Variants in NAV3 observed in about 807,000 individuals in gnomAD.
The protein encoded by NAV3 is neuron navigator 3.
Under a neutral mutation model 244.7 loss-of-function variants are expected in NAV3, and 87 were observed. That is an observed-to-expected ratio of 0.36 (90% CI 0.30 to 0.42). The LOEUF is 0.42. NAV3 is among the 20% of genes least tolerant of loss of function. NAV3 has a pLI of 1.00. For synonymous variants in NAV3, 1,126 were observed against 1,042.2 expected, an observed-to-expected ratio of 1.08 and a Z score of -1.55; for missense variants, 2,663 against 2,893.3, an observed-to-expected ratio of 0.92 and a Z score of 1.83.
At chr12:77,811,845 A>C (rs1592704622) in intron 2 of NAV3, among the ~76,000 whole-genome samples, 1 of 152,226 alleles carries the variant, frequency 6.6e-6, no homozygotes, top group African/African-American at 2.4e-5. Flanking sequence ...AGCATTTTAA[A>C]GTGAACAATT....
chr12:78,118,137 G>A lies in NAV3; in HGVS notation c.2880G>A (p.Lys960=). Residue 960 remains lysine (K), a synonymous_variant, in exon 14 of 40, where the codon AAG becomes AAA. Transcript: ENST00000397909. ...ACAGCCATGGGGATGCTGGTGGCAAGTGGAAGACTGTGTCCTCTGGACTTC... is the reference window on the plus strand; with the variant it reads ...ACAGCCATGGGGATGCTGGTGGCAAATGGAAGACTGTGTCCTCTGGACTTC... ...DFDSHGDAGG[K]WKTVSSGLPE... is the part of the protein sequence containing the mutation. 1 of 1,614,070 alleles carries A rather than the reference G, an allele frequency of 6.2e-7. No homozygotes were observed. Among genetic ancestry groups the A allele is most frequent in the Non-Finnish European group, 8.5e-7 (1 of 1,180,006 alleles).
chr12:78,096,278 G>T (rs1226924695), intron 12 of NAV3, among the ~76,000 whole-genome samples: 3 of 152,150 alleles, frequency 2.0e-5, no homozygotes, highest in Non-Finnish European at 4.4e-5. Context: ...CAAACTGCTT[G>T]AGTAGGAGCT....
intron 2 of NAV3, among the ~76,000 whole-genome samples, chr12:77,603,812 A>G (rs1389522886): frequency 6.6e-6 from 1 of 152,006 alleles, no homozygotes; most frequent in Non-Finnish European, 1.5e-5. Flanking sequence ...ATATGCTTAT[A>G]GGCTGAGGGA....
intron 2 of NAV3, among the ~76,000 whole-genome samples, chr12:77,642,741 A>T (rs1565749715): frequency 1.3e-5 from 2 of 151,498 alleles, no homozygotes; most frequent in Non-Finnish European, 1.5e-5. Context: ...AAATTTGATC[A>T]TTTTTTTTCT....
chr12:77,974,518 A>C, intron 5 of NAV3, among the ~76,000 whole-genome samples: 1 of 151,668 alleles, frequency 6.6e-6, no homozygotes, highest in East Asian at 1.9e-4. Flanking sequence ...TGGTGGTCTC[A>C]AGCTCCTAGC....
At chr12:77,797,887 T>C (rs1265919886) in intron 2 of NAV3, among the ~76,000 whole-genome samples, 1 of 150,330 alleles carries the variant, frequency 6.7e-6, no homozygotes, top group African/African-American at 2.5e-5. Flanking sequence ...AGCTTTGTTT[T>C]ACCCGGTACA....
At chr12:78,209,977 G>T (rs1960732475) in intron 39 of NAV3, among the ~76,000 whole-genome samples, 1 of 152,156 alleles carries the variant, frequency 6.6e-6, no homozygotes, top group African/African-American at 2.4e-5. Context: ...GACAGTGCGT[G>T]TGTGCCTCTG....
intron 2 of NAV3, among the ~76,000 whole-genome samples, chr12:77,665,219 A>C (rs1873663624): frequency 6.6e-6 from 1 of 152,250 alleles, no homozygotes; most frequent in Admixed American, 6.5e-5. Flanking sequence ...TTGTGTTTAC[A>C]GTTTGACTGA....
At chr12:77,914,377 T>G (rs1261595572) in intron 1 of NAV3, among the ~76,000 whole-genome samples, 1 of 152,110 alleles carries the variant, frequency 6.6e-6, no homozygotes, top group African/African-American at 2.4e-5. Flanking sequence ...TGCTTGTGCT[T>G]CAGCTGTCCT....
intron 1 of NAV3, among the ~76,000 whole-genome samples, chr12:77,918,043 T>A (rs1387005724): frequency 6.6e-6 from 1 of 152,034 alleles, no homozygotes; most frequent in African/African-American, 2.4e-5. Context: ...TCAACAAATT[T>A]AAAAAAGTCC....
intron 2 of NAV3, among the ~76,000 whole-genome samples, chr12:77,594,316 G>GA (rs890742154): frequency 6.2e-4 from 90 of 146,042 alleles, no homozygotes; most frequent in Middle Eastern, 3.5e-3. Flanking sequence ...ATCTGTGCTA[G>GA]AAAAAAAAAA....
At chr12:78,207,440 T>A (rs1960446829) in intron 39 of NAV3, among the ~76,000 whole-genome samples, 1 of 152,162 alleles carries the variant, frequency 6.6e-6, no homozygotes. Flanking sequence ...TCAAGAAGCT[T>A]AAAATCCAGT....
intron 7 of NAV3, among the ~76,000 whole-genome samples, 181 bp from the exon 8 acceptor site, chr12:78,006,236 ACT>A (rs1164641188): frequency 7.9e-5 from 12 of 151,576 alleles, no homozygotes; most frequent in Non-Finnish European, 1.5e-4. Context: ...CCTCTCAAAC[ACT>A]CTGCATTTTT....
intron 23 of NAV3, among the ~76,000 whole-genome samples, chr12:78,166,305 G>A (rs1284760763): frequency 1.3e-5 from 2 of 151,748 alleles, no homozygotes; most frequent in Non-Finnish European, 2.9e-5. Context: ...TGAGTGACAA[G>A]GTGAGAGCAG....
At chr12:77,738,513 C>T (rs1410050690) in intron 2 of NAV3, among the ~76,000 whole-genome samples, 1 of 152,138 alleles carries the variant, frequency 6.6e-6, no homozygotes, top group African/African-American at 2.4e-5. Flanking sequence ...AATAAATTGA[C>T]CAGTGTATAA....
At chr12:77,989,179 G>A (rs112414812) in intron 5 of NAV3, among the ~76,000 whole-genome samples, 9 of 152,208 alleles carry the variant, frequency 5.9e-5, no homozygotes, top group African/African-American at 2.2e-4. Flanking sequence ...GTTCAACTAA[G>A]CCTTTCTTGC....
intron 16 of NAV3, among the ~76,000 whole-genome samples, chr12:78,124,131 G>A (rs1955802755): frequency 6.6e-6 from 1 of 152,088 alleles, no homozygotes. Context: ...AAGATAATCT[G>A]CAACAAGTTG....
rs558335019 is a variant in NAV3 at position 77,988,422 on chromosome 12, G to A, written c.672-6381G>A. Reference sequence around the variant, plus strand: ...ACTGAAGCTGAAATAGGAAGCTCTGGCAGTTTGGATCCTGCTGTGTTTTGA... The same window carrying A: ...ACTGAAGCTGAAATAGGAAGCTCTGACAGTTTGGATCCTGCTGTGTTTTGA... On this transcript the variant is annotated intron_variant, in intron 5 of 39. Transcript: ENST00000397909. 8.8e-4 allele frequency among the ~76,000 whole-genome samples: 134 copies of A among 152,274 alleles called. 1 individual carries two copies. Among genetic ancestry groups the A allele is most frequent in the Non-Finnish European group, 3.1e-4 (21 of 68,008 alleles).
At chr12:77,849,517 C>G (rs553547606) in intron 1 of NAV3, among the ~76,000 whole-genome samples, 1 of 152,066 alleles carries the variant, frequency 6.6e-6, no homozygotes, top group East Asian at 1.9e-4. Flanking sequence ...GGGTTGTAGT[C>G]AAAACACAGT....
Sources: gnomAD v4.1 joint callset for allele counts (sites outside exome capture counted in the v4.1 genomes callset) on GRCh38, gnomAD v4.1.1 for gene constraint, MANE v1.5 for transcripts, NCBI Gene and HGNC (gene_info 2026-07-23, HGNC 2026-07-21) for gene names.